HNMT: variants seen among roughly 807,000 people sequenced by gnomAD.
HNMT encodes histamine N-methyltransferase.
HNMT carries 30 observed loss-of-function variants against 32.1 expected under a neutral mutation model. The observed-to-expected ratio is 0.93, with a 90% confidence interval of 0.70 to 1.27. The LOEUF (loss-of-function observed/expected upper bound fraction) is 1.27, where lower values mean the gene tolerates loss of function less well. Among genes scored for constraint, HNMT ranks in the 50% most tolerant of loss-of-function variants. The pLI, the probability that HNMT is intolerant of heterozygous loss-of-function variation, is 0.00. For synonymous variants in HNMT, 125 were observed against 119.0 expected, an observed-to-expected ratio of 1.05 and a Z score of -0.33; for missense variants, 327 against 346.0, an observed-to-expected ratio of 0.95 and a Z score of 0.43.
chr2:138,011,236 C>T (rs1471414732), intron 5 of HNMT, among the ~76,000 whole-genome samples: 1 of 152,018 alleles, frequency 6.6e-6, no homozygotes, highest in African/African-American at 2.4e-5. Flanking sequence ...GATAACAGAG[C>T]CTCTCTTCAA....
intron 2 of HNMT, among the ~76,000 whole-genome samples, chr2:137,972,775 A>C (rs1680174472): frequency 6.6e-6 from 1 of 152,214 alleles, no homozygotes; most frequent in Admixed American, 6.5e-5. Flanking sequence ...TGCTTGGACA[A>C]GAAGAGAAGG....
chr2:137,986,628 G>T (rs1037825506), intron 2 of HNMT, among the ~76,000 whole-genome samples: 16 of 152,020 alleles, frequency 1.1e-4, no homozygotes, highest in African/African-American at 3.9e-4. Flanking sequence ...GCACTCCATG[G>T]CCCAGTAGAG....
chr2:138,013,429 C>T (rs559693516), intron 5 of HNMT, among the ~76,000 whole-genome samples: 45 of 152,180 alleles, frequency 3.0e-4, no homozygotes, highest in African/African-American at 1.1e-3. Flanking sequence ...TTTGCAGCTG[C>T]TCATCTCTCT....
Position 138,005,199 on chromosome 2 carries a change from C to A in HNMT, c.497C>A (p.Ala166Asp). The A allele has an allele frequency of 6.3e-7, 1 of 1,598,004 alleles. No homozygotes were observed. The change falls in exon 5 of 6, where the codon GCT becomes GAT. Residue 166 changes from alanine (A) to aspartate (D), a missense_variant. Ala to Asp is a moderately radical substitution (Grantham distance 126). Transcript: ENST00000280097. ...TTCCATAGTCTCTTAGGTACCAATG[C>A]TAAGATGCTCATTATTGTTGTGTCA... is the stretch of plus-strand genomic sequence containing the variant. ...KFFHSLLGTNAKMLIIVVSGS... is the reference protein window; with the variant it reads ...KFFHSLLGTNDKMLIIVVSGS...
chr2:137,976,161 G>C (rs971839246), intron 2 of HNMT, among the ~76,000 whole-genome samples: 1 of 151,874 alleles, frequency 6.6e-6, no homozygotes, highest in African/African-American at 2.4e-5. Context: ...AGCTACTCGG[G>C]AGGCTGATGC....
intron 5 of HNMT, among the ~76,000 whole-genome samples, chr2:138,008,082 C>T (rs1558748056): frequency 6.6e-6 from 1 of 151,902 alleles, no homozygotes; most frequent in East Asian, 1.9e-4. Context: ...ATTATTTCAT[C>T]ACCCAGGTAT....
chr2:138,006,128 C>T (rs1681325810), intron 5 of HNMT, among the ~76,000 whole-genome samples: 1 of 151,964 alleles, frequency 6.6e-6, no homozygotes. Flanking sequence ...TGCAAGGGAA[C>T]ATTTAGATAT....
At chr2:138,001,059 C>A in intron 3 of HNMT, 34 bp downstream of exon 3, 2 of 1,110,180 alleles carry the variant, frequency 1.8e-6, no homozygotes, top group Non-Finnish European at 2.7e-6. Flanking sequence ...ACACCAGATC[C>A]TATCCCAAAA....
rs558270807 is a variant in HNMT, at chr2:137,988,088, C to T, written c.191-12830C>T. On this transcript the variant is annotated intron_variant, in intron 2 of 5. Coordinates refer to ENST00000280097, the MANE Select transcript of HNMT (RefSeq NM_006895.3). ...GTAGAATGCAAGCAATTCAGGGCTC[C>T]TGGAGCCGCAAAATTCAGAATATAA... Among the ~76,000 whole-genome samples the T allele has an allele frequency of 2.6e-5, 4 of 152,236 alleles. No individual in the cohort carries two copies. The South Asian group carries it at 8.3e-4, about 32-fold the overall frequency.
chr2:138,009,974 T>G (rs1195054694), intron 5 of HNMT, among the ~76,000 whole-genome samples: 1 of 152,122 alleles, frequency 6.6e-6, no homozygotes, highest in Non-Finnish European at 1.5e-5. Flanking sequence ...GAACTTGGAA[T>G]GTCTATACCA....
intron 5 of HNMT, among the ~76,000 whole-genome samples, chr2:138,008,742 G>T (rs944568191): frequency 2.0e-5 from 3 of 152,012 alleles, no homozygotes; most frequent in Admixed American, 1.3e-4. Flanking sequence ...ACTGAAGCCA[G>T]TCTCCTTCCT....
chr2:137,965,747 A>G (rs1169069238), intron 1 of HNMT, among the ~76,000 whole-genome samples: 1 of 152,206 alleles, frequency 6.6e-6, no homozygotes, highest in Non-Finnish European at 1.5e-5. Context: ...GTTAAAGGTA[A>G]TGAGTTAATT....
chr2:137,996,689 A>G (rs944305709), intron 2 of HNMT, among the ~76,000 whole-genome samples: 3 of 152,232 alleles, frequency 2.0e-5, no homozygotes, highest in African/African-American at 7.2e-5. Flanking sequence ...TTCATATGTA[A>G]TCAAAGAAGA....
In HNMT at chr2:138,014,051, A is replaced by C. The variant is rs893486021; in HGVS notation, c.800A>C (p.Gln267Pro). 2 of 1,613,634 alleles carry C rather than the reference A, an allele frequency of 1.2e-6. No individual in the cohort carries two copies. The highest frequency in any genetic ancestry group is 3.3e-5 in the Admixed American group (2 of 59,928). ...DLRAELGKDL[Q>P]EPEFSAKKEG... ...AGAGCAGAGCTTGGGAAAGATCTAC[A>C]AGAGCCTGAATTTAGTGCTAAGAAA... The change falls in exon 6 of 6, where the codon CAA (glutamine) becomes CCA (proline). Residue 267 changes from glutamine (Q) to proline (P), a missense_variant. Transcript: ENST00000280097.
At chr2:138,002,683 G>A in intron 4 of HNMT, 4 of 431,426 alleles carry the variant, frequency 9.3e-6, no homozygotes, top group Non-Finnish European at 1.2e-5. Context: ...CTGGGCTCAA[G>A]TGATCTTCCC....
chr2:137,980,500 A>C (rs746170918), intron 2 of HNMT, among the ~76,000 whole-genome samples: 79 of 152,208 alleles, frequency 5.2e-4, no homozygotes, highest in Admixed American at 1.0e-3. Flanking sequence ...AATGGTGGCT[A>C]TCCTCTGTTT....
intron 2 of HNMT, among the ~76,000 whole-genome samples, chr2:137,971,491 A>G (rs1469860346): frequency 1.3e-5 from 2 of 152,130 alleles, no homozygotes; most frequent in East Asian, 3.9e-4. Context: ...GCATACTTTT[A>G]TAGGCATTTT....
Position 138,014,389 on chromosome 2 carries a change from G to C in HNMT, c.*259G>C. The C allele has an allele frequency of 3.0e-6, 1 of 336,838 alleles. No individual in the cohort carries two copies. The highest frequency in any genetic ancestry group is 5.4e-6 in the Non-Finnish European group (1 of 185,248). 20.9% of individuals were successfully genotyped at this position (336,838 alleles called of 1,614,324 possible). A position where few individuals can be genotyped will look rare whatever the true frequency, so the allele number is the denominator to read the frequency against. On this transcript the variant is annotated 3_prime_UTR_variant, in exon 6 of 6. Transcript: ENST00000280097. ...CATAAGCTAGAAAAATTAGATGACT[G>C]AATTTCTATGGCATATTGATAATAA...
At chr2:138,004,232 C>T (rs1265005998) in intron 4 of HNMT, among the ~76,000 whole-genome samples, 1 of 152,058 alleles carries the variant, frequency 6.6e-6, no homozygotes, top group African/African-American at 2.4e-5. Flanking sequence ...CCTATGGTCC[C>T]TGTGGTGGAA....
Sources: gnomAD v4.1 joint callset for allele counts (sites outside exome capture counted in the v4.1 genomes callset) on GRCh38, gnomAD v4.1.1 for gene constraint, MANE v1.5 for transcripts, NCBI Gene and HGNC (gene_info 2026-07-23, HGNC 2026-07-21) for gene names.